HSD17B12: variants seen among roughly 807,000 people sequenced by gnomAD.
HSD17B12 encodes the protein hydroxysteroid 17-beta dehydrogenase 12.
Under a neutral mutation model 39.3 loss-of-function variants are expected in HSD17B12, and 32 were observed. The observed-to-expected ratio is 0.81, with a 90% CI of 0.61 to 1.09. The LOEUF is 1.09. HSD17B12 is among the 50% of genes least tolerant of loss of function. HSD17B12 has a pLI of 0.00. For missense variants in HSD17B12, 342 were observed against 382.9 expected (o/e 0.89, Z 0.89); for synonymous variants, 150 against 146.7 (o/e 1.02, Z -0.16).
chr11:43,619,261 T>TA, the HSD17B12 span, among the ~76,000 whole-genome samples: 5 of 80,792 alleles, frequency 6.2e-5, no homozygotes, highest in Admixed American at 1.6e-4. Flanking sequence ...TATATATATT[T>TA]TATATATATA....
intron 3 of HSD17B12, among the ~76,000 whole-genome samples, chr11:43,795,042 G>A (rs1950904215): frequency 6.6e-6 from 1 of 152,134 alleles, no homozygotes; most frequent in Admixed American, 6.6e-5. Flanking sequence ...ACAGGTTGGG[G>A]AGGTGTGAAG....
intron 3 of HSD17B12, among the ~76,000 whole-genome samples, chr11:43,772,984 G>A (rs995620263): frequency 6.6e-6 from 1 of 152,054 alleles, no homozygotes; most frequent in African/African-American, 2.4e-5. Flanking sequence ...GGTGGCACGT[G>A]CTTATAGTTT....
At position 43,680,877 on chromosome 11, in the gene HSD17B12, G is replaced by C. The variant is rs1949736429; in HGVS notation, c.50G>C (p.Gly17Ala). 1 of 1,614,116 alleles carries C rather than the reference G, an allele frequency of 6.2e-7. No individual in the cohort carries two copies. Among genetic ancestry groups the C allele is most frequent in the Non-Finnish European group, 8.5e-7 (1 of 1,180,016 alleles). ...AAGFLYWVGA[G>A]TVAYLALRIS... ...GGCTTCCTGTACTGGGTCGGCGCGGGCACCGTGGCCTACCTAGCCCTGCGT... is the reference window on the plus strand; with the variant it reads ...GGCTTCCTGTACTGGGTCGGCGCGGCCACCGTGGCCTACCTAGCCCTGCGT... The change falls in exon 1 of 11, where the codon GGC (glycine) becomes GCC (alanine). Residue 17 changes from glycine (G) to alanine (A), a missense_variant. Gly to Ala is a moderately conservative substitution (Grantham distance 60). Coordinates refer to ENST00000278353, the MANE Select transcript of HSD17B12 (RefSeq NM_016142.3).
intron 1 of HSD17B12, among the ~76,000 whole-genome samples, chr11:43,720,006 T>G (rs550660523): frequency 6.6e-6 from 1 of 152,356 alleles, no homozygotes; most frequent in Non-Finnish European, 1.5e-5. Flanking sequence ...CAGAACTGTC[T>G]TTACTTTGGG....
At chr11:43,789,682 TTCATGCC>T (rs1368341891) in intron 3 of HSD17B12, among the ~76,000 whole-genome samples, 5 of 152,154 alleles carry the variant, frequency 3.3e-5, no homozygotes, top group African/African-American at 1.2e-4. Flanking sequence ...CCATTGTGGT[TTCATGCC>T]TGTAATCCCA....
chr11:43,787,752 T>A (rs112031495), intron 3 of HSD17B12, among the ~76,000 whole-genome samples: 16,229 of 131,038 alleles, frequency 0.12, 1,268 homozygotes, highest in Non-Finnish European at 0.16. Context: ...AAAAAAAAAA[T>A]AATAATAATA....
At chr11:43,583,600 G>C in the HSD17B12 span, among the ~76,000 whole-genome samples, 1 of 152,180 alleles carries the variant, frequency 6.6e-6, no homozygotes, top group East Asian at 1.9e-4. Context: ...TCCTTAGGGC[G>C]GTTATGTCAG....
intron 1 of HSD17B12, chr11:43,734,204 G>A (rs1950295507): frequency 3.2e-6 from 5 of 1,571,776 alleles, no homozygotes; most frequent in Middle Eastern, 2.1e-4. Flanking sequence ...GCAGGTGAGC[G>A]ACGACCTTAC....
At chr11:43,621,720 A>C in the HSD17B12 span, among the ~76,000 whole-genome samples, 1 of 152,296 alleles carries the variant, frequency 6.6e-6, no homozygotes, top group African/African-American at 2.4e-5. Context: ...CAAAACAAAA[A>C]CAAAAACAAA....
intron 3 of HSD17B12, among the ~76,000 whole-genome samples, chr11:43,782,933 G>A (rs1006884796): frequency 2.0e-5 from 3 of 152,166 alleles, no homozygotes; most frequent in African/African-American, 7.2e-5. Context: ...CTGATGGGAT[G>A]CAGTGAGAAA....
At position 43,802,226 on chromosome 11, in the gene HSD17B12, T is replaced by G. The variant is rs565774121; in HGVS notation, c.391+3799T>G. 1.6e-4 allele frequency among the ~76,000 whole-genome samples: 25 copies of G among 152,128 alleles called. No individual in the cohort carries two copies. The East Asian group carries it at 2.7e-3, about 16-fold the overall frequency. On this transcript the variant is annotated intron_variant, in intron 4 of 10. Transcript: ENST00000278353. The stretch of plus-strand genomic sequence containing the variant: ...TGGTCTCGATCTCCTGACCTCATGA[T>G]CTGCCCGCCTCGGCCTCCCAAAGTG...
intron 1 of HSD17B12, among the ~76,000 whole-genome samples, chr11:43,744,590 G>A (rs1950397216): frequency 6.6e-6 from 1 of 152,120 alleles, no homozygotes; most frequent in East Asian, 1.9e-4. Context: ...TGTCATATAA[G>A]GAGACATGAT....
intron 4 of HSD17B12, among the ~76,000 whole-genome samples, chr11:43,810,124 A>G (rs1951056097): frequency 1.3e-5 from 2 of 152,156 alleles, no homozygotes; most frequent in South Asian, 2.1e-4. Flanking sequence ...TTGTTTGTTC[A>G]AATGGATTTT....
the HSD17B12 span, among the ~76,000 whole-genome samples, chr11:43,629,040 C>T: frequency 6.6e-6 from 1 of 152,116 alleles, no homozygotes. Flanking sequence ...AAAGCAGTTA[C>T]TTGGCCAAAC....
the HSD17B12 span, among the ~76,000 whole-genome samples, chr11:43,672,804 G>C: frequency 2.2e-3 from 339 of 152,288 alleles, 1 homozygote; most frequent in African/African-American, 7.9e-3. Flanking sequence ...GCCTCCCAAA[G>C]TGCTAGGATT....
At chr11:43,586,245 T>C in the HSD17B12 span, among the ~76,000 whole-genome samples, 1 of 152,210 alleles carries the variant, frequency 6.6e-6, no homozygotes, top group Admixed American at 6.5e-5. Context: ...TTCTTCTGTT[T>C]GCAATTAGCA....
chr11:43,779,935 A>AT (rs1950748304), intron 3 of HSD17B12, among the ~76,000 whole-genome samples: 1 of 151,968 alleles, frequency 6.6e-6, no homozygotes, highest in South Asian at 2.1e-4. Context: ...TTCTTTTTTC[A>AT]TTTTTTATCC....
chr11:43,763,354 C>G (rs972029554), intron 3 of HSD17B12, among the ~76,000 whole-genome samples: 1 of 151,822 alleles, frequency 6.6e-6, no homozygotes, highest in Non-Finnish European at 1.5e-5. Context: ...AACAACATGA[C>G]AAAAGTCAAC....
At chr11:43,826,076 T>C (rs1044283238) in intron 6 of HSD17B12, among the ~76,000 whole-genome samples, 4 of 75,378 alleles carry the variant, frequency 5.3e-5, no homozygotes, top group Admixed American at 3.2e-4. Flanking sequence ...GCAGTCTTTT[T>C]TTTTCTTTTT....
Sources: gnomAD v4.1 joint callset for allele counts (sites outside exome capture counted in the v4.1 genomes callset) on GRCh38, gnomAD v4.1.1 for gene constraint, MANE v1.5 for transcripts, NCBI Gene and HGNC (gene_info 2026-07-23, HGNC 2026-07-21) for gene names.